Variants in CDH11 observed in about 807,000 individuals in gnomAD.
CDH11 encodes cadherin-11.
A neutral mutation model predicts 67.8 loss-of-function variants in CDH11; 11 were observed. The observed-to-expected ratio is 0.16, with a 90% CI of 0.10 to 0.27. CDH11 has a LOEUF of 0.27. CDH11 is among the 10% of genes least tolerant of loss of function. The pLI is 1.00. For missense variants in CDH11, 847 were observed against 1,031.2 expected, an observed-to-expected ratio of 0.82 and a Z score of 2.45; for synonymous variants, 419 against 400.0, an observed-to-expected ratio of 1.05 and a Z score of -0.57.
At chr16:65,075,523 G>A (rs2074493624) in intron 1 of CDH11, among the ~76,000 whole-genome samples, 1 of 152,256 alleles carries the variant, frequency 6.6e-6, no homozygotes, top group African/African-American at 2.4e-5. Context: ...ACACTGCAAA[G>A]AACCCTTCTT....
intron 2 of CDH11, among the ~76,000 whole-genome samples, chr16:65,026,633 T>A (rs1241035563): frequency 6.6e-6 from 1 of 152,084 alleles, no homozygotes; most frequent in Non-Finnish European, 1.5e-5. Flanking sequence ...ATTTTTAGAG[T>A]AGGCATCTCC....
rs558670899 is a variant in CDH11 at position 64,951,074 on chromosome 16, C to T, written c.1643-56G>A. ...CCAGTCAAGACCATTGGAATCACAGCGGCTCTCTGCTCGGCAGATTTGAGG... is the reference window on the plus strand; with the variant it reads ...CCAGTCAAGACCATTGGAATCACAGTGGCTCTCTGCTCGGCAGATTTGAGG... On this transcript the variant is annotated intron_variant, in intron 11 of 12. Transcript: ENST00000268603. 32 of 1,561,026 alleles carry T rather than the reference C, an allele frequency of 2.0e-5. No homozygotes were observed. In the East Asian group the frequency reaches 6.8e-4, roughly 33 times the overall value.
intron 2 of CDH11, among the ~76,000 whole-genome samples, chr16:65,016,945 T>C (rs555169231): frequency 1.4e-4 from 21 of 152,174 alleles, no homozygotes; most frequent in Non-Finnish European, 2.1e-4. Context: ...ATAGGGTAGC[T>C]TCCAGATGTT....
intron 2 of CDH11, among the ~76,000 whole-genome samples, chr16:65,024,115 T>C (rs1327315516): frequency 6.6e-6 from 1 of 152,168 alleles, no homozygotes; most frequent in African/African-American, 2.4e-5. Flanking sequence ...ATATTGCCTT[T>C]CCTTTGGATG....
chr16:65,077,554 A>G (rs185541548), intron 1 of CDH11, among the ~76,000 whole-genome samples: 1 of 152,370 alleles, frequency 6.6e-6, no homozygotes, highest in African/African-American at 2.4e-5. Context: ...GAAGTTAACA[A>G]GTGCTGCATC....
At chr16:65,059,063 GTAAT>G (rs2074194774) in intron 1 of CDH11, among the ~76,000 whole-genome samples, 2 of 152,128 alleles carry the variant, frequency 1.3e-5, no homozygotes, top group African/African-American at 4.8e-5. Flanking sequence ...TTTATCACAT[GTAAT>G]TAATAATAAT....
At chr16:64,973,147 T>C (rs1055570164) in intron 8 of CDH11, 107 bp from the exon 9 acceptor site, 2 of 1,062,242 alleles carry the variant, frequency 1.9e-6, no homozygotes, top group African/African-American at 3.2e-5. Context: ...ATGAATTACT[T>C]AAGCTAGATT....
chr16:65,052,074 A>C (rs2074065361), intron 2 of CDH11, among the ~76,000 whole-genome samples: 1 of 152,214 alleles, frequency 6.6e-6, no homozygotes, highest in Admixed American at 6.5e-5. Flanking sequence ...GTAAGCATGC[A>C]AAACCTGTTA....
chr16:65,058,720 G>C (rs1679567810), intron 1 of CDH11, among the ~76,000 whole-genome samples: 1 of 152,154 alleles, frequency 6.6e-6, no homozygotes, highest in Admixed American at 6.5e-5. Flanking sequence ...GCATGTGAGA[G>C]AACAAGACTT....
intron 1 of CDH11, among the ~76,000 whole-genome samples, chr16:65,077,971 C>T (rs192637671): frequency 4.6e-5 from 7 of 152,274 alleles, no homozygotes; most frequent in East Asian, 3.9e-4. Flanking sequence ...AATACAGAGA[C>T]GGGTAAGTTT....
chr16:64,956,575 T>A (rs913348877), intron 11 of CDH11, among the ~76,000 whole-genome samples: 1 of 152,222 alleles, frequency 6.6e-6, no homozygotes, highest in Non-Finnish European at 1.5e-5. Context: ...AGTGTTCTCA[T>A]CCTTGGCCAC....
intron 1 of CDH11, among the ~76,000 whole-genome samples, chr16:65,117,863 T>G (rs577343389): frequency 3.0e-4 from 46 of 152,320 alleles, no homozygotes; most frequent in Non-Finnish European, 5.6e-4. Context: ...CAGTGAGAGC[T>G]GACCTTGTTT....
chr16:64,982,145 G>A lies in CDH11; in HGVS notation c.1156C>T (p.Pro386Ser), dbSNP rs548317264. The A allele has an allele frequency of 6.2e-7, 1 of 1,613,846 alleles. No homozygotes were observed. Among genetic ancestry groups the A allele is most frequent in the Non-Finnish European group, 8.5e-7 (1 of 1,179,962 alleles). The change falls in exon 8 of 13, where the codon CCA (proline) becomes TCA (serine). Residue 386 changes from proline to serine, a missense_variant. Physicochemically the swap from Pro to Ser is moderately conservative, Grantham distance 74 (BLOSUM62 -1). Around this residue, in one of 2 missense-constraint regions of CDH11, gnomAD observed 612 missense variants for 678.7 expected, o/e 0.90. Transcript: ENST00000268603. ...TCTTGGACTTCGTGGATGTAACTTG[G>A]GGCCAAGAACATAGGGGGCTCATCA... ...DADEPPMFLA[P>S]SYIHEVQENA...
chr16:65,071,347 C>A (rs559856098), intron 1 of CDH11, among the ~76,000 whole-genome samples: 1 of 149,954 alleles, frequency 6.7e-6, no homozygotes, highest in African/African-American at 2.4e-5. Context: ...CAAACGCGTG[C>A]ATACACACAT....
Position 64,944,613 on chromosome 16 carries a change from T to C in CDH11, c.*2990A>G. On this transcript the variant is annotated 3_prime_UTR_variant, in exon 13 of 13. Coordinates refer to ENST00000268603, the MANE Select transcript of CDH11 (RefSeq NM_001797.4). ...GGAGCAGTTTCAAATACTCCTGACC[T>C]GGTTCCACCTGACATACAGAGCCAT... 1 of 232,056 alleles carries C rather than the reference T, an allele frequency of 4.3e-6. No homozygotes were observed. Among genetic ancestry groups the C allele is most frequent in the Admixed American group, 5.6e-5 (1 of 17,764 alleles). The allele number at this position is 232,056 out of a possible 1,614,324, so 14.4% of individuals were successfully genotyped here. A position where few individuals can be genotyped will look rare whatever the true frequency, so the allele number is the denominator to read the frequency against.
rs867810838 is a variant in CDH11 at position 65,073,406 on chromosome 16, G to A, written c.-297-19478C>T. Among the ~76,000 whole-genome samples, 5 of 152,052 alleles carry A rather than the reference G, an allele frequency of 3.3e-5. No homozygotes were observed. In the East Asian group the frequency reaches 5.8e-4, roughly 18 times the overall value. On this transcript the variant is annotated intron_variant, in intron 1 of 12. Coordinates refer to ENST00000268603, the MANE Select transcript of CDH11 (RefSeq NM_001797.4). ...TGTGATTCTCATGCCTCAGCCTCCC[G>A]AGTAGCTGGGATTACAGGTATGAGC... is the stretch of plus-strand genomic sequence containing the variant.
In CDH11 at chr16:64,947,864, T is replaced by C. The variant is rs2071236597; in HGVS notation, c.2130A>G (p.Pro710=). The C allele has an allele frequency of 6.2e-7, 1 of 1,614,176 alleles. No individual in the cohort carries two copies. Among genetic ancestry groups the C allele is most frequent in the Non-Finnish European group, 8.5e-7 (1 of 1,180,030 alleles). Reference sequence around the variant, plus strand: ...CATCGACATCCACGCTGTTGGGCGCTGGCCGGAGCCCAGGTCTAGGCATGT... The same window carrying C: ...CATCGACATCCACGCTGTTGGGCGCCGGCCGGAGCCCAGGTCTAGGCATGT... The part of the protein sequence containing the change: ...YQYMPRPGLR[P]APNSVDVDDF... Residue 710 remains proline, a synonymous_variant, in exon 13 of 13, where the codon CCA becomes CCG. Transcript: ENST00000268603.
chr16:65,059,423 G>C (rs1383294680), intron 1 of CDH11: 3 of 152,062 alleles, frequency 2.0e-5, no homozygotes, highest in Admixed American at 2.0e-4. Context: ...CATGCTTTTA[G>C]AGGCACCTAA....
intron 1 of CDH11, chr16:65,059,776 C>T (rs542591386): frequency 5.3e-4 from 80 of 152,340 alleles, no homozygotes; most frequent in African/African-American, 1.9e-3. Context: ...TTATCAGCCG[C>T]ATTTACAAAT....
Sources: gnomAD v4.1 joint callset for allele counts (sites outside exome capture counted in the v4.1 genomes callset) on GRCh38, gnomAD v4.1.1 for gene constraint, gnomAD v4.1.1 regional missense constraint, MANE v1.5 for transcripts, NCBI Gene and HGNC (gene_info 2026-07-23, HGNC 2026-07-21) for gene names.